IPO5: variants seen among roughly 807,000 people sequenced by gnomAD.
IPO5 encodes importin-5.
IPO5 carries 18 observed loss-of-function variants against 143.3 expected under a neutral mutation model. The observed-to-expected ratio is 0.13, with a 90% confidence interval of 0.09 to 0.19. The LOEUF (loss-of-function observed/expected upper bound fraction) is 0.19. IPO5 is among the 10% of genes least tolerant of loss of function. The pLI, the probability that IPO5 is intolerant of heterozygous loss-of-function variation, is 1.00. For missense variants in IPO5, 1,013 were observed against 1,336.9 expected, an observed-to-expected ratio of 0.76 and a Z score of 3.78; for synonymous variants, 477 against 465.7, an observed-to-expected ratio of 1.02 and a Z score of -0.31.
At chr13:97,967,694 C>A (rs942041468) in intron 2 of IPO5, among the ~76,000 whole-genome samples, 3 of 152,026 alleles carry the variant, frequency 2.0e-5, no homozygotes, top group African/African-American at 7.2e-5. Context: ...TGCAGTGGCT[C>A]GATCTCAGCT....
At chr13:97,973,261 T>C in intron 3 of IPO5, among the ~76,000 whole-genome samples, 1 of 152,094 alleles carries the variant, frequency 6.6e-6, no homozygotes, top group Admixed American at 6.5e-5. Context: ...TTGGCCAGGC[T>C]GGTCTCAAAC....
chr13:97,960,512 C>T (rs1035534698), intron 2 of IPO5: 1 of 151,288 alleles, frequency 6.6e-6, no homozygotes, highest in African/African-American at 2.4e-5. Context: ...TTTATTGAGA[C>T]ATTCATACAC....
intron 8 of IPO5, 23 bp from the exon 9 acceptor site, chr13:97,990,410 A>C: frequency 6.6e-7 from 1 of 1,525,762 alleles, no homozygotes; most frequent in Non-Finnish European, 9.0e-7. Context: ...CTCATGTTTG[A>C]CATTTTTTCC....
Position 98,002,697 on chromosome 13 carries a change from G to A in IPO5, c.1247G>A (p.Arg416Lys). Residue 416 changes from arginine to lysine, a missense_variant, in exon 15 of 29, where the codon AGG becomes AAG. By Grantham distance (26) the Arg-to-Lys change is conservative. Around this residue, in one of 2 missense-constraint regions of IPO5, gnomAD observed 685 missense variants for 994.9 expected, o/e 0.69. Coordinates refer to ENST00000651721, the MANE Select transcript of IPO5 (RefSeq NM_002271.6). ...AACATTTTCCAGCATCCAAGAGTAA[G>A]GTATGCAGCCTGTAATGCCGTGGGA... ...LFLQDPHPRV[R>K]YAACNAVGQM... 1 of 1,611,688 alleles carries A rather than the reference G, an allele frequency of 6.2e-7. No individual in the cohort carries two copies. The highest frequency in any genetic ancestry group is 1.1e-5 in the South Asian group (1 of 90,798).
At chr13:97,984,761 A>G (rs1887186417) in intron 5 of IPO5, among the ~76,000 whole-genome samples, 2 of 152,202 alleles carry the variant, frequency 1.3e-5, no homozygotes, top group South Asian at 4.1e-4. Context: ...TAGGTTCAAT[A>G]TTCCCAATAG....
intron 11 of IPO5, 109 bp from the exon 12 acceptor site, chr13:97,997,422 G>A: frequency 1.9e-6 from 1 of 519,972 alleles, no homozygotes; most frequent in Non-Finnish European, 3.4e-6. Context: ...TAATTGTTTT[G>A]TCTTGTTCTC....
chr13:98,001,025 G>T, intron 13 of IPO5: 1 of 219,382 alleles, frequency 4.6e-6, no homozygotes. Flanking sequence ...GATGGTGGAA[G>T]CCCACCTGCC....
intron 25 of IPO5, among the ~76,000 whole-genome samples, chr13:98,017,202 GT>G (rs2139862442): frequency 6.6e-6 from 1 of 150,444 alleles, no homozygotes; most frequent in African/African-American, 2.4e-5. Context: ...AATTATCTTT[GT>G]TATGTACTAC....
chr13:97,986,285 G>A (rs1307714730), intron 6 of IPO5, among the ~76,000 whole-genome samples: 2 of 152,072 alleles, frequency 1.3e-5, no homozygotes, highest in African/African-American at 4.8e-5. Flanking sequence ...AGAGACTCCA[G>A]TGCTTTTGCT....
chr13:98,007,912 T>C (rs1889401621), intron 17 of IPO5, 147 bp from the exon 18 acceptor site: 2 of 584,788 alleles, frequency 3.4e-6, no homozygotes, highest in Admixed American at 6.3e-5. Context: ...TGTCACAATA[T>C]AGATGAGAAT....
chr13:97,983,965 CTTTTTTTTTTTTTTTT>C (rs71117684), intron 5 of IPO5, among the ~76,000 whole-genome samples: 31 of 45,850 alleles, frequency 6.8e-4, no homozygotes, highest in Admixed American at 2.4e-3. Flanking sequence ...AGGGTAACTT[CTTTTTTTTTTTTTTTT>C]TTTTTTTTTT....
chr13:98,016,307 C>G (rs1251776637), intron 24 of IPO5, among the ~76,000 whole-genome samples: 1 of 152,196 alleles, frequency 6.6e-6, no homozygotes, highest in Admixed American at 6.5e-5. Context: ...TGCCCACATG[C>G]TTGTAGGCCC....
intron 3 of IPO5, among the ~76,000 whole-genome samples, chr13:97,971,341 G>C (rs551103199): frequency 1.2e-4 from 18 of 152,290 alleles, no homozygotes; most frequent in African/African-American, 3.6e-4. Context: ...GTATGTAACA[G>C]ACTGCTTCAG....
Position 97,986,151 on chromosome 13 carries a change from T to G in IPO5, c.364+538T>G, listed in dbSNP as rs376823095. ...AAAAAAAATCCATGTGGAAAAATAA[T>G]TTTGTAATTTGCTTGAAAATTGGCA... On this transcript the variant is annotated intron_variant, in intron 6 of 28. Coordinates refer to ENST00000651721, the MANE Select transcript of IPO5 (RefSeq NM_002271.6). Among the ~76,000 whole-genome samples, 109 of 152,134 alleles carry G rather than the reference T, an allele frequency of 7.2e-4. 1 individual carries two copies. In the East Asian group the frequency reaches 0.017, roughly 24 times the overall value.
intron 5 of IPO5, among the ~76,000 whole-genome samples, chr13:97,984,631 T>C (rs966953250): frequency 4.6e-5 from 7 of 152,150 alleles, no homozygotes; most frequent in African/African-American, 1.4e-4. Flanking sequence ...TGAAAAGTAA[T>C]GGAGGAAAAA....
At chr13:97,966,555 A>G (rs185820976) in intron 2 of IPO5, among the ~76,000 whole-genome samples, 23 of 152,164 alleles carry the variant, frequency 1.5e-4, no homozygotes, top group Admixed American at 6.5e-4. Context: ...TTGTGTCGAT[A>G]TTGGTCTATA....
At chr13:97,976,065 C>A (rs571359235) in intron 3 of IPO5, 4 of 674,188 alleles carry the variant, frequency 5.9e-6, no homozygotes, top group Non-Finnish European at 7.3e-6. Context: ...TCCCAGGGAG[C>A]GAGGGACCAA....
In IPO5 at chr13:97,956,128, T is replaced by C. The variant is rs529694311; in HGVS notation, c.-113+1930T>C. Among the ~76,000 whole-genome samples, 32 of 126,950 alleles carry C rather than the reference T, an allele frequency of 2.5e-4. No individual in the cohort carries two copies. The East Asian group carries it at 5.3e-3, about 21-fold the overall frequency. The allele number at this position is 126,950 out of a possible 152,430, so 83.3% of individuals were successfully genotyped here. ...GCCTGGGCGACAGTGCGAGACTCCGTGTCAAAAAAAAAAAAACGAACAAAA... is the reference window on the plus strand; with the variant it reads ...GCCTGGGCGACAGTGCGAGACTCCGCGTCAAAAAAAAAAAAACGAACAAAA... On this transcript the variant is annotated intron_variant, in intron 2 of 28. Transcript: ENST00000651721.
chr13:97,969,181 T>A (rs1321573032), intron 2 of IPO5, among the ~76,000 whole-genome samples: 155 of 82,444 alleles, frequency 1.9e-3, no homozygotes, highest in Non-Finnish European at 3.2e-3. Flanking sequence ...ATATATTTTT[T>A]TTTTTTTTTT....
Sources: allele counts gnomAD v4.1 joint callset (sites outside exome capture counted in the v4.1 genomes callset), GRCh38; gene constraint gnomAD v4.1.1; regional missense constraint gnomAD v4.1.1; transcripts MANE v1.5; gene names NCBI Gene and HGNC (gene_info 2026-07-23, HGNC 2026-07-21).